The following COL6A6 variants were observed in gnomAD, a reference collection of about 807,000 sequenced individuals.
COL6A6 encodes the protein collagen alpha-6(VI) chain.
A neutral mutation model predicts 208.6 loss-of-function variants in COL6A6; 183 were observed. The ratio of observed to expected loss-of-function variants is 0.88; its 90% CI spans 0.78 to 0.99. The LOEUF (loss-of-function observed/expected upper bound fraction) is 0.99. Ranked by LOEUF, COL6A6 falls within the 50% of genes least tolerant of loss-of-function variation. COL6A6 has a pLI of 0.00. For synonymous variants in COL6A6, 973 were observed against 1,011.8 expected (o/e 0.96, Z 0.73); for missense variants, 2,816 against 2,815.2 (o/e 1.00, Z -0.01).
intron 2 of COL6A6, among the ~76,000 whole-genome samples, chr3:130,561,680 C>T (rs367993874): frequency 3.9e-5 from 5 of 128,742 alleles, no homozygotes; most frequent in African/African-American, 6.1e-5. Flanking sequence ...GAGTCTCGCT[C>T]TGTCGCCCAG....
chr3:130,543,010 A>G (rs549975733), intron 1 of COL6A6, among the ~76,000 whole-genome samples: 1 of 146,870 alleles, frequency 6.8e-6, no homozygotes, highest in Non-Finnish European at 1.5e-5. Context: ...GGTTCAAGGG[A>G]TTCTTCTGCC....
At chr3:130,553,850 TTTTTTGTTTTG>T (rs1460139115) in intron 1 of COL6A6, among the ~76,000 whole-genome samples, 4 of 77,040 alleles carry the variant, frequency 5.2e-5, no homozygotes, top group East Asian at 2.3e-4. Context: ...TTTTGTGTTT[TTTTTTGTTTTG>T]TTTTGTTTTG....
At chr3:130,652,290 G>A (rs923015891) in intron 33 of COL6A6, among the ~76,000 whole-genome samples, 8 of 152,170 alleles carry the variant, frequency 5.3e-5, no homozygotes, top group African/African-American at 1.9e-4. Context: ...GATGTAGGTT[G>A]GTTAAAGGAA....
At chr3:130,618,638 C>A (rs1402204597) in intron 23 of COL6A6, among the ~76,000 whole-genome samples, 1 of 152,180 alleles carries the variant, frequency 6.6e-6, no homozygotes, top group Non-Finnish European at 1.5e-5. Flanking sequence ...GGTGATTTAT[C>A]TGGGTAACCA....
chr3:130,628,066 GA>G (rs2064943910), intron 26 of COL6A6, among the ~76,000 whole-genome samples: 1 of 152,162 alleles, frequency 6.6e-6, no homozygotes, highest in Non-Finnish European at 1.5e-5. Context: ...GATCTTGTTG[GA>G]AAGTCTAAAA....
chr3:130,606,825 G>T, intron 20 of COL6A6, 106 bp from the exon 21 acceptor site: 1 of 765,004 alleles, frequency 1.3e-6, no homozygotes, highest in South Asian at 2.1e-5. Flanking sequence ...CACTATGTGG[G>T]AATTGTTATG....
intron 36 of COL6A6, among the ~76,000 whole-genome samples, chr3:130,665,904 C>T (rs761243972): frequency 2.3e-4 from 35 of 152,120 alleles, no homozygotes; most frequent in Admixed American, 1.2e-3. Flanking sequence ...TAATTACAAA[C>T]AGGAAAATGT....
At chr3:130,654,261 A>G (rs1261090333) in intron 33 of COL6A6, among the ~76,000 whole-genome samples, 3 of 152,094 alleles carry the variant, frequency 2.0e-5, no homozygotes, top group Non-Finnish European at 2.9e-5. Flanking sequence ...AATAGATGAC[A>G]TCATTCCTGA....
chr3:130,667,694 T>A (rs2066109066), intron 36 of COL6A6, among the ~76,000 whole-genome samples: 1 of 152,098 alleles, frequency 6.6e-6, no homozygotes, highest in Admixed American at 6.5e-5. Flanking sequence ...TTGATTTATT[T>A]AAATATGAGA....
intron 2 of COL6A6, among the ~76,000 whole-genome samples, chr3:130,562,335 C>T (rs1405486086): frequency 6.6e-6 from 1 of 152,186 alleles, no homozygotes; most frequent in Non-Finnish European, 1.5e-5. Context: ...GAAACTAAAA[C>T]TAGAATCCCT....
chr3:130,637,568 G>A (rs1231953023), intron 28 of COL6A6, among the ~76,000 whole-genome samples: 2 of 152,042 alleles, frequency 1.3e-5, no homozygotes, highest in Non-Finnish European at 2.9e-5. Context: ...TGGATTTGAA[G>A]TTGAAGTTTA....
At chr3:130,652,801 T>G (rs1217091187) in intron 33 of COL6A6, among the ~76,000 whole-genome samples, 1 of 152,248 alleles carries the variant, frequency 6.6e-6, no homozygotes, top group East Asian at 1.9e-4. Context: ...CAATGCATTT[T>G]TATTGTGGGT....
At chr3:130,650,891 G>A (rs752311085) in intron 33 of COL6A6, among the ~76,000 whole-genome samples, 4 of 152,160 alleles carry the variant, frequency 2.6e-5, no homozygotes, top group Non-Finnish European at 5.9e-5. Flanking sequence ...TTTTGTAAGG[G>A]TGGTCACTCA....
intron 1 of COL6A6, among the ~76,000 whole-genome samples, chr3:130,552,051 G>T (rs1182870063): frequency 2.0e-5 from 3 of 151,710 alleles, no homozygotes; most frequent in African/African-American, 7.3e-5. Context: ...TTAATTTGAG[G>T]ATTATTTATG....
chr3:130,664,976 G>T, intron 35 of COL6A6, 27 bp from the exon 36 acceptor site: 1 of 1,448,360 alleles, frequency 6.9e-7, no homozygotes, highest in South Asian at 1.2e-5. Flanking sequence ...ATGAATACAA[G>T]ACTTATCACA....
intron 26 of COL6A6, among the ~76,000 whole-genome samples, chr3:130,628,294 G>T (rs1202791871): frequency 6.6e-6 from 1 of 152,116 alleles, no homozygotes; most frequent in Non-Finnish European, 1.5e-5. Flanking sequence ...GTAGCCTATG[G>T]CATTGGAACA....
intron 1 of COL6A6, among the ~76,000 whole-genome samples, chr3:130,522,977 A>C (rs1261597551): frequency 1.3e-5 from 2 of 151,384 alleles, no homozygotes; most frequent in Non-Finnish European, 2.9e-5. Context: ...ACATCTGCTC[A>C]CACTTTTCTC....
At chr3:130,580,724 C>G (rs2063398672) in intron 8 of COL6A6, among the ~76,000 whole-genome samples, 1 of 152,234 alleles carries the variant, frequency 6.6e-6, no homozygotes, top group South Asian at 2.1e-4. Flanking sequence ...CTCTAATTAA[C>G]TGCCTTTAGG....
intron 1 of COL6A6, among the ~76,000 whole-genome samples, chr3:130,525,215 A>T (rs2061935589): frequency 6.6e-6 from 1 of 151,392 alleles, no homozygotes; most frequent in Non-Finnish European, 1.5e-5. Context: ...AATCTGGAAA[A>T]TGTGTGCTTC....
Sources: allele counts gnomAD v4.1 joint callset (sites outside exome capture counted in the v4.1 genomes callset), GRCh38; gene constraint gnomAD v4.1.1; transcripts MANE v1.5; gene names NCBI Gene and HGNC (gene_info 2026-07-23, HGNC 2026-07-21).